Variants in PTPRD observed in about 807,000 individuals in gnomAD.
PTPRD encodes protein tyrosine phosphatase receptor type D, also known as receptor-type tyrosine-protein phosphatase delta.
PTPRD carries 34 observed loss-of-function variants against 214.5 expected under a neutral mutation model. The observed-to-expected ratio is 0.16, with a 90% CI of 0.12 to 0.21. The LOEUF (loss-of-function observed/expected upper bound fraction) is 0.21. Among genes scored for constraint, PTPRD ranks in the 10% least tolerant of loss-of-function variants. The probability of loss-of-function intolerance (pLI) is 1.00; values close to 1 mark genes in which losing one functional copy is unlikely to be tolerated. For missense variants in PTPRD, 2,545 were observed against 2,398.7 expected (o/e 1.06, Z -1.27); for synonymous variants, 1,128 against 845.7 (o/e 1.33, Z -5.79).
intron 2 of PTPRD, among the ~76,000 whole-genome samples, chr9:10,482,234 G>A (rs1953592): frequency 0.12 from 17,554 of 151,576 alleles, 1,316 homozygotes; most frequent in Middle Eastern, 0.19. Flanking sequence ...AGCCGGGCGT[G>A]GTGGCGGGTG....
intron 5 of PTPRD, among the ~76,000 whole-genome samples, chr9:9,801,499 G>T (rs533969970): frequency 1.3e-5 from 2 of 151,984 alleles, no homozygotes; most frequent in Non-Finnish European, 2.9e-5. Context: ...CTCTTTAGTT[G>T]TTAATTTTAA....
chr9:10,417,234 G>A lies in PTPRD; in HGVS notation c.-599-76217C>T, dbSNP rs537634903. Among the ~76,000 whole-genome samples the A allele has an allele frequency of 3.3e-5, 5 of 152,052 alleles. No homozygotes were observed. In the South Asian group the frequency reaches 8.3e-4, roughly 25 times the overall value. Reference sequence around the variant, plus strand: ...AGTCAATCAAGTTCTATTAAGACAAGTATTCAAAATCTTCAAAACTTATTA... The same window carrying A: ...AGTCAATCAAGTTCTATTAAGACAAATATTCAAAATCTTCAAAACTTATTA... On this transcript the variant is annotated intron_variant, in intron 2 of 45. Coordinates refer to ENST00000381196, the MANE Select transcript of PTPRD (RefSeq NM_002839.4).
chr9:10,467,495 T>G (rs1293818834), intron 2 of PTPRD, among the ~76,000 whole-genome samples: 1 of 152,120 alleles, frequency 6.6e-6, no homozygotes, highest in Non-Finnish European at 1.5e-5. Context: ...ATAACAGATT[T>G]TAATAGACAC....
intron 11 of PTPRD, among the ~76,000 whole-genome samples, chr9:8,839,940 G>C (rs2097526564): frequency 6.6e-6 from 1 of 152,102 alleles, no homozygotes; most frequent in Admixed American, 6.6e-5. Flanking sequence ...TCACCATACA[G>C]TACAAAGGAT....
At chr9:10,466,645 A>G (rs2098996201) in intron 2 of PTPRD, among the ~76,000 whole-genome samples, 4 of 146,256 alleles carry the variant, frequency 2.7e-5, no homozygotes, top group African/African-American at 7.6e-5. Flanking sequence ...AAAAAAAAAA[A>G]AAAAAAGAAA....
At chr9:10,301,469 T>A (rs1170521566) in intron 3 of PTPRD, among the ~76,000 whole-genome samples, 1 of 152,052 alleles carries the variant, frequency 6.6e-6, no homozygotes, top group Non-Finnish European at 1.5e-5. Context: ...AACAAACTCC[T>A]CCGAGCTAAA....
intron 33 of PTPRD, among the ~76,000 whole-genome samples, chr9:8,454,010 A>G (rs1197750626): frequency 6.6e-6 from 1 of 152,238 alleles, no homozygotes; most frequent in Non-Finnish European, 1.5e-5. Flanking sequence ...TTAGAAAGCT[A>G]GAGGGTTAGT....
chr9:9,800,402 A>T (rs914516584), intron 5 of PTPRD: 1 of 152,200 alleles, frequency 6.6e-6, no homozygotes, highest in African/African-American at 2.4e-5. Flanking sequence ...TCATAAATGT[A>T]TATGAACTCA....
At chr9:9,574,413 T>TGATTGCCA in intron 8 of PTPRD, among the ~76,000 whole-genome samples, 1 of 151,996 alleles carries the variant, frequency 6.6e-6, no homozygotes, top group African/African-American at 2.4e-5. Context: ...TCAAATAGAC[T>TGATTGCCA]TCATTATGAA....
Position 8,948,436 on chromosome 9 carries a change from T to TA in PTPRD, c.-104+70260_-104+70261insT, listed in dbSNP as rs1329058563. Among the ~76,000 whole-genome samples the TA allele has an allele frequency of 6.4e-4, 10 of 15,558 alleles. 1 individual carries two copies. Among genetic ancestry groups the TA allele is most frequent in the Non-Finnish European group, 1.2e-3 (7 of 5,858 alleles). 10.2% of individuals were successfully genotyped at this position (15,558 alleles called of 152,430 possible). A position where few individuals can be genotyped will look rare whatever the true frequency, so the allele number is the denominator to read the frequency against. ...ATATATATATATATTTATATATATATTTACATATATATATATTTATATATA... is the reference window on the plus strand; with the variant it reads ...ATATATATATATATTTATATATATATATTACATATATATATATTTATATATA... On this transcript the variant is annotated intron_variant, in intron 11 of 45. Transcript: ENST00000381196.
chr9:10,509,049 T>C (rs2133664539), intron 2 of PTPRD, among the ~76,000 whole-genome samples: 1 of 152,252 alleles, frequency 6.6e-6, no homozygotes, highest in Admixed American at 6.5e-5. Context: ...ATACCTGCTA[T>C]GATTCTCCAC....
At chr9:10,282,833 TTC>T (rs2095192708) in intron 3 of PTPRD, among the ~76,000 whole-genome samples, 1 of 152,058 alleles carries the variant, frequency 6.6e-6, no homozygotes, top group Non-Finnish European at 1.5e-5. Context: ...AAGAATCCCA[TTC>T]TGTTTCCCAG....
chr9:10,050,454 G>A (rs1373359193), intron 3 of PTPRD, among the ~76,000 whole-genome samples: 1 of 150,034 alleles, frequency 6.7e-6, no homozygotes, highest in Non-Finnish European at 1.5e-5. Flanking sequence ...CAGCTACTTG[G>A]GAGGCTGAGG....
chr9:10,246,488 T>C (rs1387896988), intron 3 of PTPRD, among the ~76,000 whole-genome samples: 4 of 152,060 alleles, frequency 2.6e-5, no homozygotes, highest in African/African-American at 9.7e-5. Flanking sequence ...AGGTGATCCA[T>C]CCCCCTTGGG....
chr9:9,481,513 G>C (rs1462477101), intron 8 of PTPRD, among the ~76,000 whole-genome samples: 1 of 151,878 alleles, frequency 6.6e-6, no homozygotes, highest in East Asian at 1.9e-4. Flanking sequence ...TACATTTAGA[G>C]GTCTACAAAA....
At chr9:10,171,579 C>CA (rs1464911070) in intron 3 of PTPRD, among the ~76,000 whole-genome samples, 1 of 152,160 alleles carries the variant, frequency 6.6e-6, no homozygotes, top group African/African-American at 2.4e-5. Flanking sequence ...GCCTGGAGTG[C>CA]AGCGGCGCAA....
At chr9:9,134,391 T>A (rs930849268) in intron 10 of PTPRD, among the ~76,000 whole-genome samples, 5 of 152,082 alleles carry the variant, frequency 3.3e-5, no homozygotes, top group African/African-American at 1.2e-4. Context: ...TTGACTCTCT[T>A]TTCCTCTATT....
At chr9:10,577,914 CCT>C (rs1491516600) in intron 2 of PTPRD, among the ~76,000 whole-genome samples, 1 of 75,852 alleles carries the variant, frequency 1.3e-5, no homozygotes, top group Admixed American at 1.3e-4. Flanking sequence ...CAAGTTATTT[CCT>C]TTTTTTTTTT....
chr9:9,893,179 A>C (rs920536711), intron 5 of PTPRD, among the ~76,000 whole-genome samples: 1 of 152,238 alleles, frequency 6.6e-6, no homozygotes, highest in East Asian at 1.9e-4. Flanking sequence ...CACACACTAA[A>C]GTACACAGAC....
Sources: gnomAD v4.1 joint callset for allele counts (sites outside exome capture counted in the v4.1 genomes callset) on GRCh38, gnomAD v4.1.1 for gene constraint, MANE v1.5 for transcripts, NCBI Gene and HGNC (gene_info 2026-07-23, HGNC 2026-07-21) for gene names.